Variants in FHL1 observed in about 807,000 individuals in gnomAD.
The protein encoded by FHL1 is four and a half LIM domains 1, also known as four and a half LIM domains protein 1.
Under a neutral mutation model 20.3 loss-of-function variants are expected in FHL1, and 1 was observed. The ratio of observed to expected loss-of-function variants is 0.05; its 90% CI spans 0.02 to 0.23. The LOEUF (loss-of-function observed/expected upper bound fraction) is 0.23. Ranked by LOEUF, FHL1 falls within the 10% of genes least tolerant of loss-of-function variation. The pLI is 1.00. For missense variants in FHL1, 177 were observed against 234.0 expected (o/e 0.76, Z 1.59); for synonymous variants, 82 against 88.9 (o/e 0.92, Z 0.44).
intron 4 of FHL1, among the ~76,000 whole-genome samples, 153 bp downstream of exon 4, chrX:136,208,114 G>T (rs1318902290): frequency 8.9e-6 from 1 of 112,358 alleles, no homozygotes; most frequent in Non-Finnish European, 1.9e-5. Context: ...GGAGATCGTG[G>T]ATTAGGAAGC....
upstream of FHL1, chrX:136,169,385 CTT>C (rs1197169326): frequency 3.1e-5 from 5 of 160,050 alleles, no homozygotes; most frequent in East Asian, 8.5e-4. Context: ...TTGGAGATAA[CTT>C]CAGCGGTCAC....
chrX:136,209,535 T>C (rs1603273104), intron 5 of FHL1: 1 of 951,238 alleles, frequency 1.1e-6, no homozygotes, highest in East Asian at 3.1e-5. Flanking sequence ...CTGGTTATGC[T>C]GGGAGGTCGG....
At chrX:136,206,905 G>C (rs994301834) in intron 2 of FHL1, 111 bp from the exon 3 acceptor site, 4 of 859,358 alleles carry the variant, frequency 4.7e-6, no homozygotes, top group Non-Finnish European at 6.9e-6. Context: ...CAGGTGTAAG[G>C]GACTGTGTCA....
intron 2 of FHL1, among the ~76,000 whole-genome samples, chrX:136,182,266 C>A (rs1246535973): frequency 8.9e-6 from 1 of 111,981 alleles, no homozygotes; most frequent in East Asian, 2.8e-4. Context: ...GTGTTATAGA[C>A]ATAGAATGTT....
intron 2 of FHL1, among the ~76,000 whole-genome samples, chrX:136,174,967 A>G: frequency 8.9e-6 from 1 of 112,443 alleles, no homozygotes; most frequent in Non-Finnish European, 1.9e-5. Context: ...AAAGAAATCA[A>G]CAGTTTCAAA....
chrX:136,180,658 A>T (rs2073130404), intron 2 of FHL1, among the ~76,000 whole-genome samples: 1 of 112,475 alleles, frequency 8.9e-6, no homozygotes, highest in South Asian at 3.7e-4. Context: ...TAATAAGAAA[A>T]CCCAACAAAA....
At chrX:136,206,949 T>C in intron 2 of FHL1, 67 bp from the exon 3 acceptor site, 1 of 1,144,956 alleles carries the variant, frequency 8.7e-7, no homozygotes, top group East Asian at 3.0e-5. Flanking sequence ...ATCAGCCTTA[T>C]GGGAGGGCTC....
chrX:136,176,604 G>A (rs1172193780), intron 2 of FHL1, among the ~76,000 whole-genome samples: 2 of 111,398 alleles, frequency 1.8e-5, no homozygotes, highest in African/African-American at 6.5e-5. Context: ...GTGAGTGTTC[G>A]TATTTCTGTT....
chrX:136,207,513 C>T (rs1225866283), intron 3 of FHL1: 3 of 424,274 alleles, frequency 7.1e-6, no homozygotes, highest in Non-Finnish European at 1.2e-5. Context: ...CCAGGCAGTC[C>T]CTGATTTAAT....
At chrX:136,152,798 G>C (rs1426852302) in intron 1 of FHL1, among the ~76,000 whole-genome samples, 1 of 110,014 alleles carries the variant, frequency 9.1e-6, no homozygotes, top group Non-Finnish European at 1.9e-5. Context: ...AGAGAATGGA[G>C]AGATGAATTG....
chrX:136,176,558 G>A (rs968997136), intron 2 of FHL1, among the ~76,000 whole-genome samples: 3 of 111,608 alleles, frequency 2.7e-5, no homozygotes, highest in Non-Finnish European at 5.6e-5. Context: ...AAGGGTGGGG[G>A]ATGGCTTTTG....
chrX:136,166,555 T>C (rs1401443851), upstream of FHL1, among the ~76,000 whole-genome samples: 1 of 111,697 alleles, frequency 9.0e-6, no homozygotes, highest in East Asian at 2.8e-4. Flanking sequence ...AGGGAAGCCA[T>C]TGGCAAGGTG....
rs758031344 is a variant in FHL1 at position 136,210,031 on chromosome X, CAG to C, written c.*7_*8del. The C allele has an allele frequency of 1.2e-5, 14 of 1,208,736 alleles. No individual in the cohort carries two copies. Among genetic ancestry groups the C allele is most frequent in the African/African-American group, 1.8e-5 (1 of 56,810 alleles). ...ACTGTGCCAAAAAGCTGTAAACTGA[CAG>C]GGGCTCCTGTCCTGTAAAATGGCAT... On this transcript the variant is annotated 3_prime_UTR_variant, in exon 6 of 6. Coordinates refer to ENST00000370683, the MANE Select transcript of FHL1 (RefSeq NM_001159699.2).
chrX:136,149,199 C>G (rs2072197639), intron 1 of FHL1, among the ~76,000 whole-genome samples: 1 of 112,007 alleles, frequency 8.9e-6, no homozygotes, highest in Non-Finnish European at 1.9e-5. Context: ...ATTATGGGCC[C>G]CCCTGGAATT....
At chrX:136,206,666 C>A (rs752176537) in intron 2 of FHL1, 78 bp downstream of exon 2, 438 of 1,153,193 alleles carry the variant, frequency 3.8e-4, no homozygotes, top group Non-Finnish European at 4.7e-4. Flanking sequence ...GCAGCAGCAG[C>A]TGGCTGTTAG....
Position 136,206,548 on chromosome X carries a change from C to A in FHL1, c.164C>A (p.Thr55Asn), listed in dbSNP as rs1252282869. 8.2e-7 allele frequency: 1 copy of A among 1,212,617 alleles called. No individual in the cohort carries two copies. The highest frequency in any genetic ancestry group is 2.2e-5 in the Admixed American group (1 of 46,179). The part of the protein sequence containing the change: ...LKCFDKFCAN[T>N]CVECRKPIGA... ...TGCTTTGACAAGTTCTGTGCCAACACCTGTGTGGAATGCCGCAAGCCCATC... is the reference window on the plus strand; with the variant it reads ...TGCTTTGACAAGTTCTGTGCCAACAACTGTGTGGAATGCCGCAAGCCCATC... Residue 55 changes from threonine (T) to asparagine (N), a missense_variant, in exon 2 of 6, where the codon ACC becomes AAC. Thr to Asn is a moderately conservative substitution (Grantham distance 65). Coordinates refer to ENST00000370683, the MANE Select transcript of FHL1 (RefSeq NM_001159699.2).
intron 1 of FHL1, among the ~76,000 whole-genome samples, chrX:136,202,814 T>C (rs921757527): frequency 1.1e-4 from 12 of 112,329 alleles, no homozygotes; most frequent in Non-Finnish European, 2.1e-4. Flanking sequence ...CAAAGCTTGA[T>C]AGTAGCTCAG....
chrX:136,176,751 T>C (rs2148312794), intron 2 of FHL1, among the ~76,000 whole-genome samples: 1 of 111,537 alleles, frequency 9.0e-6, no homozygotes, highest in African/African-American at 3.2e-5. Context: ...CTGGTTTATT[T>C]ATCTCCCTTG....
At chrX:136,194,766 C>T (rs1276323679), upstream of FHL1, among the ~76,000 whole-genome samples, 1 of 112,056 alleles carries the variant, frequency 8.9e-6, no homozygotes, top group African/African-American at 3.2e-5. Context: ...GCCACTGATC[C>T]AAGACAGGAC....
Sources: allele counts gnomAD v4.1 joint callset (sites outside exome capture counted in the v4.1 genomes callset), GRCh38; gene constraint gnomAD v4.1.1; transcripts MANE v1.5; gene names NCBI Gene and HGNC (gene_info 2026-07-23, HGNC 2026-07-21).